HPD: variants seen among roughly 807,000 people sequenced by gnomAD.
HPD encodes 4-hydroxyphenylpyruvic acid oxidase.
HPD carries 35 observed loss-of-function variants against 56.9 expected under a neutral mutation model. The observed-to-expected ratio is 0.62, with a 90% CI of 0.47 to 0.82. The LOEUF (loss-of-function observed/expected upper bound fraction) is 0.82. Ranked by LOEUF, HPD falls within the 40% of genes least tolerant of loss-of-function variation. The pLI, the probability that HPD is intolerant of heterozygous loss-of-function variation, is 0.00. For missense variants in HPD, 442 were observed against 506.8 expected (o/e 0.87, Z 1.23); for synonymous variants, 186 against 200.2 (o/e 0.93, Z 0.60).
upstream of HPD, among the ~76,000 whole-genome samples, chr12:121,867,873 T>G (rs777089175): frequency 6.6e-6 from 1 of 152,164 alleles, no homozygotes; most frequent in Admixed American, 6.6e-5. Context: ...TTTTGCTATG[T>G]TGCCCAGGCT....
the HPD span, among the ~76,000 whole-genome samples, chr12:121,870,804 C>T: frequency 6.6e-6 from 1 of 151,890 alleles, no homozygotes; most frequent in African/African-American, 2.4e-5. Context: ...CCATGTTGGT[C>T]AGGCTGGTCG....
the HPD span, among the ~76,000 whole-genome samples, chr12:121,876,658 C>G: frequency 6.6e-6 from 1 of 152,158 alleles, no homozygotes; most frequent in South Asian, 2.1e-4. Flanking sequence ...ACGTCTCCCA[C>G]CCTTCAGTTT....
chr12:121,844,215 A>T (rs1028126649), intron 11 of HPD, among the ~76,000 whole-genome samples: 1 of 151,636 alleles, frequency 6.6e-6, no homozygotes, highest in South Asian at 2.1e-4. Flanking sequence ...ACACTCAGCT[A>T]TGTATTTTTA....
At position 121,854,687 on chromosome 12, in the gene HPD, A is replaced by G; in HGVS notation, c.414+16T>C. ...TGCCGACAGCAGGAGGGGTGGGGGC[A>G]CCAAAGGGAACTCACCGTCTGCAGC... On this transcript the variant is annotated intron_variant, in intron 7 of 13. Transcript: ENST00000289004. The G allele has an allele frequency of 6.3e-7, 1 of 1,588,744 alleles. No homozygotes were observed. The highest frequency in any genetic ancestry group is 8.6e-7 in the Non-Finnish European group (1 of 1,156,940).
At chr12:121,862,551 C>T (rs1878203828), upstream of HPD, among the ~76,000 whole-genome samples, 1 of 145,316 alleles carries the variant, frequency 6.9e-6, no homozygotes, top group South Asian at 2.2e-4. Context: ...CCCACCTCGG[C>T]CTCCCAAAGT....
At chr12:121,877,758 G>C in the HPD span, among the ~76,000 whole-genome samples, 1 of 151,912 alleles carries the variant, frequency 6.6e-6, no homozygotes, top group African/African-American at 2.4e-5. Flanking sequence ...ATAAACAGAA[G>C]AGCTGGGTGG....
chr12:121,871,961 G>A, the HPD span, among the ~76,000 whole-genome samples: 10 of 151,118 alleles, frequency 6.6e-5, no homozygotes, highest in South Asian at 4.2e-4. Context: ...GGCTGGGCGC[G>A]GTGGCTCACG....
At chr12:121,866,752 CA>C (rs1468990903), upstream of HPD, among the ~76,000 whole-genome samples, 2 of 151,994 alleles carry the variant, frequency 1.3e-5, no homozygotes, top group Non-Finnish European at 2.9e-5. Flanking sequence ...ATAACTTACA[CA>C]GAGTGAAATT....
intron 11 of HPD, among the ~76,000 whole-genome samples, chr12:121,846,285 T>G (rs953189063): frequency 6.6e-6 from 1 of 152,170 alleles, no homozygotes; most frequent in Non-Finnish European, 1.5e-5. Context: ...GGTGCGACCT[T>G]GGCTCACTGC....
At chr12:121,859,243 C>T (rs776591792), upstream of HPD, 9 of 318,440 alleles carry the variant, frequency 2.8e-5, no homozygotes, top group East Asian at 7.6e-5. Context: ...GTCCTGTTTG[C>T]GTCACAGCGT....
At chr12:121,857,962 CA>C in intron 2 of HPD, 143 bp from the exon 3 acceptor site, 2 of 720,756 alleles carry the variant, frequency 2.8e-6, no homozygotes, top group South Asian at 3.0e-5. Flanking sequence ...GCAGCCTTGC[CA>C]AGCCTCAAAA....
chr12:121,852,418 C>T (rs963163267), intron 7 of HPD, among the ~76,000 whole-genome samples: 2 of 152,072 alleles, frequency 1.3e-5, no homozygotes, highest in Admixed American at 6.6e-5. Context: ...GATCCTCCTG[C>T]CTCAGCCTCC....
In HPD at chr12:121,849,693, G is replaced by A. The variant is rs531082984; in HGVS notation, c.512C>T (p.Pro171Leu). 12 of 1,608,774 alleles carry A rather than the reference G, an allele frequency of 7.5e-6. No individual in the cohort carries two copies. Among genetic ancestry groups the A allele is most frequent in the South Asian group, 6.6e-5 (6 of 91,004 alleles). ...TGCCCTGAGGGACACTCACAGTTTAGGAAGTAGGGGGTCCATGAACGCTGG... is the reference window on the plus strand; with the variant it reads ...TGCCCTGAGGGACACTCACAGTTTAAGAAGTAGGGGGTCCATGAACGCTGG... The part of the protein sequence containing the change: ...EAPAFMDPLL[P>L]KLPKCSLEMI... Residue 171 changes from proline (P) to leucine (L), a missense_variant, in exon 8 of 14, where the codon CCT becomes CTT. By Grantham distance (98) the Pro-to-Leu change is moderately conservative. Coordinates refer to ENST00000289004, the MANE Select transcript of HPD (RefSeq NM_002150.3).
At chr12:121,859,427 G>A (rs1222743853), upstream of HPD, among the ~76,000 whole-genome samples, 1 of 152,150 alleles carries the variant, frequency 6.6e-6, no homozygotes, top group Non-Finnish European at 1.5e-5. Flanking sequence ...AACAGGACCT[G>A]GCACACAGGA....
At chr12:121,868,553 T>C (rs1878386856), upstream of HPD, among the ~76,000 whole-genome samples, 1 of 142,420 alleles carries the variant, frequency 7.0e-6, no homozygotes, top group African/African-American at 2.7e-5. Context: ...GGAGTCTTGC[T>C]CTGTCCCCCA....
In HPD at chr12:121,847,138, G is replaced by A. The variant is rs765923504; in HGVS notation, c.673C>T (p.Arg225Ter). 5.0e-6 allele frequency: 8 copies of A among 1,614,114 alleles called. No individual in the cohort carries two copies. Among genetic ancestry groups the A allele is most frequent in the South Asian group, 1.1e-5 (1 of 91,082 alleles). ...TCATAGTTGGCCACCACAATGGATC[G>A]CAGAGAGCTATATTCCGTGTGCACC... ...TQVHTEYSSL[R>*]SIVVANYEES... is the part of the protein sequence containing the mutation. Residue 225 changes from arginine (R) to a stop codon, truncating the protein, a stop_gained, in exon 10 of 14, where the codon CGA (arginine) becomes TGA (stop). Transcript: ENST00000289004. LOFTEE classifies it high-confidence loss of function.
the HPD span, among the ~76,000 whole-genome samples, chr12:121,886,994 G>A: frequency 6.0e-4 from 92 of 152,206 alleles, no homozygotes; most frequent in Admixed American, 4.6e-4. Context: ...CTGCCTCCCC[G>A]GTTCAAGCGA....
intron 4 of HPD, 55 bp from the exon 5 acceptor site, chr12:121,856,680 T>C: frequency 1.3e-6 from 2 of 1,562,020 alleles, no homozygotes; most frequent in Non-Finnish European, 1.8e-6. Context: ...CATGGGGAGG[T>C]GCACCCATCG....
intron 7 of HPD, among the ~76,000 whole-genome samples, chr12:121,851,631 A>C (rs1877775764): frequency 6.6e-6 from 1 of 152,106 alleles, no homozygotes; most frequent in African/African-American, 2.4e-5. Flanking sequence ...GGCACACTTT[A>C]ACCATTTTTA....
Sources: allele counts gnomAD v4.1 joint callset (sites outside exome capture counted in the v4.1 genomes callset), GRCh38; gene constraint gnomAD v4.1.1; transcripts MANE v1.5; gene names NCBI Gene and HGNC (gene_info 2026-07-23, HGNC 2026-07-21).